Variants in BEND6 observed in about 807,000 individuals in gnomAD.
BEND6 encodes BEN domain-containing protein 6.
A neutral mutation model predicts 31.8 loss-of-function variants in BEND6; 24 were observed. That is an observed-to-expected ratio of 0.75 (90% confidence interval 0.55 to 1.06). BEND6 has a LOEUF of 1.06. BEND6 is among the 50% of genes least tolerant of loss of function. The probability of loss-of-function intolerance (pLI) is 0.00; values close to 1 mark genes in which losing one functional copy is unlikely to be tolerated. For synonymous variants in BEND6, 109 were observed against 114.6 expected, an observed-to-expected ratio of 0.95 and a Z score of 0.31; for missense variants, 294 against 327.4, an observed-to-expected ratio of 0.90 and a Z score of 0.79.
At chr6:56,996,553 T>G (rs1307993005) in intron 3 of BEND6, among the ~76,000 whole-genome samples, 1 of 152,180 alleles carries the variant, frequency 6.6e-6, no homozygotes, top group Admixed American at 6.5e-5. Flanking sequence ...ATTGTCTAAC[T>G]GCATGCTTAA....
intron 1 of BEND6, among the ~76,000 whole-genome samples, chr6:56,964,663 G>A (rs1394337077): frequency 6.6e-6 from 1 of 152,038 alleles, no homozygotes; most frequent in African/African-American, 2.4e-5. Flanking sequence ...CACCATACCT[G>A]GCTAATTTAT....
chr6:57,017,347 G>A lies in BEND6; in HGVS notation c.660G>A (p.Arg220=), dbSNP rs896611879. Residue 220 remains arginine (R), a synonymous_variant, in exon 5 of 7, where the codon AGG becomes AGA. Coordinates refer to ENST00000370746, the MANE Select transcript of BEND6 (RefSeq NM_152731.3). ...SLTGAKSSTS[R]DKAVKPAMNQ... is the part of the protein sequence containing the mutation. ...CAGGGGCAAAATCCTCTACTTCAAG[G>A]GACAAAGCTGTAAAACCAGCTATGA... 2 of 1,406,264 alleles carry A rather than the reference G, an allele frequency of 1.4e-6. No homozygotes were observed. The highest frequency in any genetic ancestry group is 2.7e-5 in the Admixed American group (1 of 37,518). 87.1% of individuals were successfully genotyped at this position (1,406,264 alleles called of 1,614,324 possible).
intron 6 of BEND6, among the ~76,000 whole-genome samples, chr6:57,020,048 C>A (rs1827688396): frequency 6.6e-6 from 1 of 152,138 alleles, no homozygotes; most frequent in African/African-American, 2.4e-5. Flanking sequence ...GTGATGTTGC[C>A]AGTGCACTCC....
intron 1 of BEND6, among the ~76,000 whole-genome samples, chr6:56,969,325 T>C (rs1365834725): frequency 1.3e-5 from 2 of 152,140 alleles, no homozygotes; most frequent in African/African-American, 4.8e-5. Flanking sequence ...AAATAAATAA[T>C]ATAGGCATCT....
chr6:57,013,165 A>G (rs1827403885), intron 3 of BEND6, among the ~76,000 whole-genome samples: 1 of 152,218 alleles, frequency 6.6e-6, no homozygotes, highest in Non-Finnish European at 1.5e-5. Context: ...CCCCACTGCC[A>G]AGAGTGCCTA....
At chr6:56,965,399 T>C (rs1457865798) in intron 1 of BEND6, among the ~76,000 whole-genome samples, 2 of 152,146 alleles carry the variant, frequency 1.3e-5, no homozygotes, top group Non-Finnish European at 2.9e-5. Context: ...TGGTGAATGG[T>C]AACCAGTTAT....
At chr6:56,990,421 A>AT (rs937320551) in intron 2 of BEND6, among the ~76,000 whole-genome samples, 17 of 151,626 alleles carry the variant, frequency 1.1e-4, no homozygotes, top group African/African-American at 3.4e-4. Flanking sequence ...TAATTTTTGT[A>AT]TTTTTTGTAG....
chr6:57,008,553 C>T (rs9370554), intron 3 of BEND6: 23,374 of 278,798 alleles, frequency 0.084, 1,446 homozygotes, highest in African/African-American at 0.19. Context: ...GGGTGACAGA[C>T]ACAGACACCA....
At chr6:57,002,321 A>G (rs1826975141) in intron 3 of BEND6, among the ~76,000 whole-genome samples, 1 of 152,204 alleles carries the variant, frequency 6.6e-6, no homozygotes, top group South Asian at 2.1e-4. Flanking sequence ...CAGAAAACTA[A>G]CACAGGAATT....
chr6:57,017,251 G>C lies in BEND6; in HGVS notation c.564G>C (p.Lys188Asn). 6.4e-7 allele frequency: 1 copy of C among 1,562,042 alleles called. No individual in the cohort carries two copies. ...KWQIARCNKS[K>N]PQKFINDLMQ... ...AGATTGCCCGTTGTAACAAGAGCAA[G>C]CCTCAGAAGTTTATTAATGATTTAA... The change falls in exon 5 of 7, where the codon AAG becomes AAC. Residue 188 changes from lysine (K) to asparagine (N), a missense_variant. By Grantham distance (94) the Lys-to-Asn change is moderately conservative (BLOSUM62 0). Coordinates refer to ENST00000370746, the MANE Select transcript of BEND6 (RefSeq NM_152731.3).
chr6:56,985,416 C>CT (rs1826222673), intron 2 of BEND6, among the ~76,000 whole-genome samples: 1 of 152,098 alleles, frequency 6.6e-6, no homozygotes, highest in African/African-American at 2.4e-5. Flanking sequence ...CCTTGTTGAT[C>CT]TACCTTCCTC....
chr6:57,009,303 A>C (rs551308545), intron 3 of BEND6: 21 of 152,324 alleles, frequency 1.4e-4, no homozygotes, highest in African/African-American at 4.8e-4. Flanking sequence ...ACATAAAAAA[A>C]TGATAAATGT....
chr6:57,025,849 C>A (rs554311388), intron 6 of BEND6, among the ~76,000 whole-genome samples: 1 of 152,046 alleles, frequency 6.6e-6, no homozygotes, highest in African/African-American at 2.4e-5. Context: ...TACTTGAGTT[C>A]TGGGATATTG....
chr6:56,991,685 A>G (rs1826507709), intron 2 of BEND6, among the ~76,000 whole-genome samples: 1 of 152,116 alleles, frequency 6.6e-6, no homozygotes, highest in South Asian at 2.1e-4. Flanking sequence ...TTTAAGAAAC[A>G]TTTTAGGGAA....
chr6:57,002,287 A>G (rs1379018818), intron 3 of BEND6, among the ~76,000 whole-genome samples: 1 of 152,068 alleles, frequency 6.6e-6, no homozygotes, highest in African/African-American at 2.4e-5. Context: ...CACCCCACTG[A>G]CAACATTAGG....
At chr6:56,957,272 G>A (rs1825121500) in intron 1 of BEND6, among the ~76,000 whole-genome samples, 1 of 152,046 alleles carries the variant, frequency 6.6e-6, no homozygotes, top group Non-Finnish European at 1.5e-5. Context: ...CCATGCAATA[G>A]GATTATAGAT....
rs185841516 is a variant in BEND6 at position 56,979,948 on chromosome 6, A to G, written c.-100-1763A>G. Among the ~76,000 whole-genome samples the G allele has an allele frequency of 2.1e-3, 327 of 152,254 alleles. 1 individual carries two copies. Among genetic ancestry groups the G allele is most frequent in the African/African-American group, 7.5e-3 (313 of 41,558 alleles). On this transcript the variant is annotated intron_variant, in intron 1 of 6. Coordinates refer to ENST00000370746, the MANE Select transcript of BEND6 (RefSeq NM_152731.3). The stretch of plus-strand genomic sequence containing the variant: ...AGCATACCTAGAATCTGGATTTATA[A>G]CTTCCTAGAGAATGTCATGCGAGCT...
Position 56,969,552 on chromosome 6 carries a change from A to G in BEND6, c.-100-12159A>G, listed in dbSNP as rs1592972322. Among the ~76,000 whole-genome samples, 3 of 152,358 alleles carry G rather than the reference A, an allele frequency of 2.0e-5. 1 individual carries two copies. Among genetic ancestry groups the G allele is most frequent in the Middle Eastern group, 3.4e-3 (1 of 294 alleles). Reference sequence around the variant, plus strand: ...TACATTTCAAAACTGATATATGTATAAAGCAATCCAAAACTTTTGAAACCT... The same window carrying G: ...TACATTTCAAAACTGATATATGTATGAAGCAATCCAAAACTTTTGAAACCT... On this transcript the variant is annotated intron_variant, in intron 1 of 6. Coordinates refer to ENST00000370746, the MANE Select transcript of BEND6 (RefSeq NM_152731.3).
intron 1 of BEND6, among the ~76,000 whole-genome samples, chr6:56,959,849 C>T (rs116547994): frequency 0.013 from 1,929 of 152,162 alleles, 42 homozygotes; most frequent in African/African-American, 0.042. Flanking sequence ...GTTGTTTTAA[C>T]ATTTTAGCTA....
Sources: gnomAD v4.1 joint callset for allele counts (sites outside exome capture counted in the v4.1 genomes callset) on GRCh38, gnomAD v4.1.1 for gene constraint, MANE v1.5 for transcripts, NCBI Gene and HGNC (gene_info 2026-07-23, HGNC 2026-07-21) for gene names.